Variants in CDYL2 observed in about 807,000 individuals in gnomAD.
CDYL2 encodes chromodomain Y like 2, also known as chromodomain Y-like protein 2.
Under a neutral mutation model 49.4 loss-of-function variants are expected in CDYL2, and 23 were observed. The observed-to-expected ratio is 0.47, with a 90% confidence interval of 0.34 to 0.66. The LOEUF (loss-of-function observed/expected upper bound fraction) is 0.66, where lower values mean the gene tolerates loss of function less well. CDYL2 is among the 30% of genes least tolerant of loss of function. The pLI is 0.01. For synonymous variants in CDYL2, 360 were observed against 268.8 expected (o/e 1.34, Z -3.32); for missense variants, 678 against 656.4 (o/e 1.03, Z -0.36).
At chr16:80,738,585 T>A (rs1366187010) in intron 1 of CDYL2, 1 of 152,268 alleles carries the variant, frequency 6.6e-6, no homozygotes, top group Non-Finnish European at 1.5e-5. Flanking sequence ...GAAAGCAGAT[T>A]TGCAGTTGCC....
At position 80,739,265 on chromosome 16, in the gene CDYL2, G is replaced by T. The variant is rs574714849; in HGVS notation, c.25-54136C>A. Among the ~76,000 whole-genome samples the T allele has an allele frequency of 1.4e-4, 22 of 152,268 alleles. 1 individual carries two copies. In the East Asian group the frequency reaches 4.2e-3, roughly 29 times the overall value. ...ACTGGGGGAGAAGGGGAGAATGTGG[G>T]ATTAGTGTTTAATGGGGACAGAGAT... is the stretch of plus-strand genomic sequence containing the variant. On this transcript the variant is annotated intron_variant, in intron 1 of 6. Transcript: ENST00000570137.
chr16:80,643,607 G>A (rs995243394), intron 2 of CDYL2, among the ~76,000 whole-genome samples: 1 of 152,212 alleles, frequency 6.6e-6, no homozygotes, highest in African/African-American at 2.4e-5. Flanking sequence ...CTGAAATCTA[G>A]GTGGAGGTTC....
chr16:80,745,609 A>G (rs558451143), intron 1 of CDYL2, among the ~76,000 whole-genome samples: 5 of 152,356 alleles, frequency 3.3e-5, no homozygotes, highest in African/African-American at 9.6e-5. Flanking sequence ...CACAGTGAGT[A>G]AACGTCAGCT....
rs116510879 is a variant in CDYL2 at position 80,701,539 on chromosome 16, T to A, written c.25-16410A>T. 4.3e-3 allele frequency among the ~76,000 whole-genome samples: 657 copies of A among 152,194 alleles called. 6 individuals are homozygous for A. The highest frequency in any genetic ancestry group is 0.015 in the African/African-American group (639 of 41,508). On this transcript the variant is annotated intron_variant, in intron 1 of 6. Coordinates refer to ENST00000570137, the MANE Select transcript of CDYL2 (RefSeq NM_152342.4). Reference sequence around the variant, plus strand: ...ATATCATGGGGAAAAATGAGCACATTCCAAAAAACAACCAAAAAAACACCG... The same window carrying A: ...ATATCATGGGGAAAAATGAGCACATACCAAAAAACAACCAAAAAAACACCG...
At chr16:80,794,598 ATT>A (rs966789395) in intron 1 of CDYL2, among the ~76,000 whole-genome samples, 178 of 66,822 alleles carry the variant, frequency 2.7e-3, no homozygotes, top group African/African-American at 9.9e-3. Flanking sequence ...ATTCCCAGTG[ATT>A]TTTTTTTTTT....
At chr16:80,703,624 A>T (rs555469052) in intron 1 of CDYL2, among the ~76,000 whole-genome samples, 24 of 152,192 alleles carry the variant, frequency 1.6e-4, no homozygotes, top group African/African-American at 5.8e-4. Context: ...TCTAGCAACC[A>T]ATCTGGTTAC....
chr16:80,639,581 C>A (rs1229791589), intron 2 of CDYL2: 10 of 427,552 alleles, frequency 2.3e-5, no homozygotes, highest in Non-Finnish European at 4.2e-5. Flanking sequence ...TGGATTGTAC[C>A]CTCCCCCCTG....
chr16:80,632,942 G>A lies in CDYL2; in HGVS notation c.834+77C>T, dbSNP rs536432427. 266 of 1,408,346 alleles carry A rather than the reference G, an allele frequency of 1.9e-4. 3 individuals are homozygous for A. In the South Asian group the frequency reaches 2.9e-3, roughly 16 times the overall value. The allele number at this position is 1,408,346 out of a possible 1,614,324, so 87.2% of individuals were successfully genotyped here. A position where few individuals can be genotyped will look rare whatever the true frequency, so the allele number is the denominator to read the frequency against. On this transcript the variant is annotated intron_variant, in intron 3 of 6. Transcript: ENST00000570137. ...TCCTCAGCTCCCTGATGGAAGGAAG[G>A]AGAAAGCCAATATTCCATTCTGAGT...
chr16:80,768,511 G>T (rs534054548), intron 1 of CDYL2, among the ~76,000 whole-genome samples: 6 of 152,340 alleles, frequency 3.9e-5, no homozygotes, highest in African/African-American at 1.4e-4. Context: ...TCAGGGTCTG[G>T]TGAGGGCTCT....
intron 1 of CDYL2, among the ~76,000 whole-genome samples, chr16:80,727,123 T>C (rs1038195322): frequency 6.6e-6 from 1 of 152,148 alleles, no homozygotes; most frequent in African/African-American, 2.4e-5. Flanking sequence ...ACAGCTCCAG[T>C]CTACAGCTCC....
intron 2 of CDYL2, among the ~76,000 whole-genome samples, chr16:80,641,771 T>C (rs60177485): frequency 0.055 from 7,401 of 135,066 alleles, 737 homozygotes; most frequent in African/African-American, 0.19. Flanking sequence ...GGGGGAGGGA[T>C]AGCATTAGGA....
chr16:80,600,105 T>C lies in CDYL2; in HGVS notation c.*4283A>G, dbSNP rs893811336. ...GGGAGATCTTAAACTACTTATGTAG[T>C]TGCAAAGTTGAAAAATTTACTGATC... On this transcript the variant is annotated 3_prime_UTR_variant, in exon 7 of 7. Transcript: ENST00000570137. 1 of 152,206 alleles carries C rather than the reference T, an allele frequency of 6.6e-6. No homozygotes were observed. Among genetic ancestry groups the C allele is most frequent in the Non-Finnish European group, 1.5e-5 (1 of 68,028 alleles). 9.4% of individuals were successfully genotyped at this position (152,206 alleles called of 1,614,324 possible).
intron 1 of CDYL2, among the ~76,000 whole-genome samples, chr16:80,793,339 G>T (rs1907669223): frequency 6.6e-6 from 1 of 152,198 alleles, no homozygotes; most frequent in South Asian, 2.1e-4. Context: ...AGGGACAATG[G>T]CTTAAATGTT....
chr16:80,775,863 ATATT>A (rs1488401799), intron 1 of CDYL2, among the ~76,000 whole-genome samples: 2 of 151,156 alleles, frequency 1.3e-5, no homozygotes, highest in Non-Finnish European at 3.0e-5. Flanking sequence ...TTATTAATAC[ATATT>A]TATTTATATA....
intron 1 of CDYL2, among the ~76,000 whole-genome samples, chr16:80,760,564 T>G (rs567459233): frequency 1.3e-5 from 2 of 152,296 alleles, no homozygotes; most frequent in Admixed American, 1.3e-4. Flanking sequence ...GATTACACAT[T>G]GCATGCCTGC....
intron 4 of CDYL2, among the ~76,000 whole-genome samples, chr16:80,619,255 T>A (rs1906968744): frequency 6.6e-6 from 1 of 152,192 alleles, no homozygotes; most frequent in African/African-American, 2.4e-5. Context: ...CTTAATCACA[T>A]CTGCAAAGAG....
intron 1 of CDYL2, among the ~76,000 whole-genome samples, chr16:80,783,550 T>C (rs565549957): frequency 1.3e-5 from 2 of 152,282 alleles, no homozygotes; most frequent in African/African-American, 4.8e-5. Context: ...TAAGCCAATA[T>C]GCAGATCCAC....
At chr16:80,776,681 A>G (rs1010026641) in intron 1 of CDYL2, among the ~76,000 whole-genome samples, 1 of 151,492 alleles carries the variant, frequency 6.6e-6, no homozygotes, top group Non-Finnish European at 1.5e-5. Context: ...TAACATGGAT[A>G]AATCTTAAAA....
At chr16:80,628,248 C>A (rs550632958) in intron 3 of CDYL2, 1 of 152,378 alleles carries the variant, frequency 6.6e-6, no homozygotes, top group South Asian at 2.1e-4. Context: ...TCACACTCTT[C>A]TGTAAATCCC....
Sources: gnomAD v4.1 joint callset for allele counts (sites outside exome capture counted in the v4.1 genomes callset) on GRCh38, gnomAD v4.1.1 for gene constraint, MANE v1.5 for transcripts, NCBI Gene and HGNC (gene_info 2026-07-23, HGNC 2026-07-21) for gene names.